KIRREL3: variants seen among roughly 807,000 people sequenced by gnomAD.
KIRREL3 encodes kirre like nephrin family adhesion molecule 3, also known as kin of IRRE-like protein 3.
Under a neutral mutation model 89.7 loss-of-function variants are expected in KIRREL3, and 36 were observed. That is an observed-to-expected ratio of 0.40 (90% CI 0.31 to 0.53). The LOEUF is 0.53. KIRREL3 is among the 20% of genes least tolerant of loss of function. KIRREL3 has a pLI of 0.49. For synonymous variants in KIRREL3, 445 were observed against 441.4 expected (o/e 1.01, Z -0.10); for missense variants, 864 against 1,056.6 (o/e 0.82, Z 2.53).
At chr11:126,499,359 G>A (rs908365508) in intron 4 of KIRREL3, among the ~76,000 whole-genome samples, 2 of 152,018 alleles carry the variant, frequency 1.3e-5, no homozygotes, top group Non-Finnish European at 2.9e-5. Context: ...GCAAACTCCC[G>A]GTTGCCCTAC....
At chr11:126,827,164 G>T (rs1943445337) in intron 1 of KIRREL3, among the ~76,000 whole-genome samples, 1 of 145,800 alleles carries the variant, frequency 6.9e-6, no homozygotes, top group Admixed American at 7.2e-5. Flanking sequence ...CAATATGGAA[G>T]TCTTCCCAGA....
intron 1 of KIRREL3, among the ~76,000 whole-genome samples, chr11:126,753,920 C>A (rs1949414347): frequency 6.6e-6 from 1 of 152,100 alleles, no homozygotes; most frequent in Non-Finnish European, 1.5e-5. Context: ...ATGTATGCTG[C>A]CCAAGAAGGG....
At chr11:126,942,512 G>A (rs1208783052) in intron 1 of KIRREL3, among the ~76,000 whole-genome samples, 1 of 152,162 alleles carries the variant, frequency 6.6e-6, no homozygotes, top group Non-Finnish European at 1.5e-5. Flanking sequence ...CCCTTCTGTG[G>A]AAGTCCCGGC....
In KIRREL3 at chr11:126,508,784, C is replaced by T. The variant is rs117933442; in HGVS notation, c.433+12531G>A. ...GCCTCTATGTCTCAGCTTCCTCGTC[C>T]GTAAAAGGGGACACGGGACCTGCCT... On this transcript the variant is annotated intron_variant, in intron 4 of 16. Coordinates refer to ENST00000525144, the MANE Select transcript of KIRREL3 (RefSeq NM_032531.4). This position sits in a 1 kb window ranked among gnomAD's most constrained non-coding sequence, Gnocchi z 4.9. Among the ~76,000 whole-genome samples, 8 of 152,218 alleles carry T rather than the reference C, an allele frequency of 5.3e-5. No individual in the cohort carries two copies. The East Asian group carries it at 7.7e-4, about 15-fold the overall frequency.
intron 1 of KIRREL3, among the ~76,000 whole-genome samples, chr11:126,865,405 G>T (rs1241544888): frequency 6.6e-6 from 1 of 152,222 alleles, no homozygotes; most frequent in Non-Finnish European, 1.5e-5. Flanking sequence ...TTGCTGAGCG[G>T]GTCATTGATG....
chr11:126,481,065 C>T (rs917798989), intron 4 of KIRREL3, among the ~76,000 whole-genome samples: 1 of 152,206 alleles, frequency 6.6e-6, no homozygotes, highest in Non-Finnish European at 1.5e-5. Context: ...TTTCTAAACA[C>T]TAGGGACAAG....
intron 1 of KIRREL3, among the ~76,000 whole-genome samples, chr11:126,916,389 G>A (rs1947038452): frequency 6.6e-6 from 1 of 152,148 alleles, no homozygotes; most frequent in Admixed American, 6.5e-5. Context: ...CCAAGGGTGG[G>A]CCGCCAGAAT....
rs979144168 is a variant in KIRREL3 at position 126,983,159 on chromosome 11, A to G, written c.55+17296T>C. Among the ~76,000 whole-genome samples the G allele has an allele frequency of 1.3e-5, 2 of 152,058 alleles. No homozygotes were observed. Among genetic ancestry groups the G allele is most frequent in the African/African-American group, 2.4e-5 (1 of 41,404 alleles). On this transcript the variant is annotated intron_variant, in intron 1 of 16. Transcript: ENST00000525144. The surrounding 1 kb of genome is among the most constrained non-coding windows in gnomAD (Gnocchi z 4.9). Reference sequence around the variant, plus strand: ...GGGAAGGTCATTTTTTCTAACTTATAAGTAGTGAGGCTACTTGTAGGTACA... The same window carrying G: ...GGGAAGGTCATTTTTTCTAACTTATGAGTAGTGAGGCTACTTGTAGGTACA...
In KIRREL3 at chr11:126,811,351, C is replaced by G. The variant is rs375364038; in HGVS notation, c.55+189104G>C. On this transcript the variant is annotated intron_variant, in intron 1 of 16. Transcript: ENST00000525144. The surrounding 1 kb of genome is among the most constrained non-coding windows in gnomAD (Gnocchi z 4.3). ...CTACGAGGTCCTTGTCTGAATTCTC[C>G]GTGTGGTTGCTGGCCTGTAAGCTCC... Among the ~76,000 whole-genome samples, 5 of 152,144 alleles carry G rather than the reference C, an allele frequency of 3.3e-5. No homozygotes were observed. The highest frequency in any genetic ancestry group is 1.2e-4 in the African/African-American group (5 of 41,426).
chr11:126,871,690 A>G (rs1349966357), intron 1 of KIRREL3, among the ~76,000 whole-genome samples: 1 of 152,128 alleles, frequency 6.6e-6, no homozygotes, highest in Non-Finnish European at 1.5e-5. Context: ...CCCTTGTGGC[A>G]TTTGTTTGAG....
intron 1 of KIRREL3, among the ~76,000 whole-genome samples, chr11:126,815,448 T>C (rs987746151): frequency 6.6e-5 from 10 of 152,192 alleles, no homozygotes; most frequent in African/African-American, 2.2e-4. Context: ...TTTTGTGAGG[T>C]TGTGGAGGGG....
chr11:126,680,196 T>A (rs948671507), intron 1 of KIRREL3, among the ~76,000 whole-genome samples: 2 of 152,156 alleles, frequency 1.3e-5, no homozygotes, highest in African/African-American at 4.8e-5. Context: ...TCAGTAAAGA[T>A]CGGTTGCTTT....
At chr11:126,452,017 A>G (rs1481068825) in intron 7 of KIRREL3, among the ~76,000 whole-genome samples, 5 of 151,890 alleles carry the variant, frequency 3.3e-5, no homozygotes, top group Non-Finnish European at 5.9e-5. Flanking sequence ...TGGCACCACA[A>G]ACGCCGTCTC....
rs1048957411 is a variant in KIRREL3 at position 126,995,233 on chromosome 11, C to T, written c.55+5222G>A. 2.2e-5 allele frequency: 10 copies of T among 456,040 alleles called. No individual in the cohort carries two copies. The highest frequency in any genetic ancestry group is 3.2e-4 in the Middle Eastern group (1 of 3,098). The allele number at this position is 456,040 out of a possible 1,614,324, so 28.2% of individuals were successfully genotyped here. On this transcript the variant is annotated intron_variant, in intron 1 of 16. Coordinates refer to ENST00000525144, the MANE Select transcript of KIRREL3 (RefSeq NM_032531.4). The surrounding 1 kb of genome is among the most constrained non-coding windows in gnomAD (Gnocchi z 6.5). Reference sequence around the variant, plus strand: ...CCTGCTCCAAGAGTGCTGGGATGTCCGCTGGCCTCGAGGCAAGACAAGAGC... The same window carrying T: ...CCTGCTCCAAGAGTGCTGGGATGTCTGCTGGCCTCGAGGCAAGACAAGAGC...
rs1358881560 is a variant in KIRREL3 at position 126,890,850 on chromosome 11, A to G, written c.55+109605T>C. 2.0e-5 allele frequency among the ~76,000 whole-genome samples: 3 copies of G among 152,224 alleles called. No individual in the cohort carries two copies. In the East Asian group the frequency reaches 5.8e-4, roughly 29 times the overall value. ...CCACTGTCCTCAGCATTGTTTCAAT[A>G]GGAGTCACATGATTTTCCAAAACAC... On this transcript the variant is annotated intron_variant, in intron 1 of 16. Transcript: ENST00000525144. The surrounding 1 kb of genome is among the most constrained non-coding windows in gnomAD (Gnocchi z 5.1).
At chr11:126,617,971 A>T (rs618603) in intron 1 of KIRREL3, among the ~76,000 whole-genome samples, 3 of 151,982 alleles carry the variant, frequency 2.0e-5, no homozygotes, top group Non-Finnish European at 2.9e-5. Flanking sequence ...GTGATCCTCA[A>T]TGTTGGAGGT....
At chr11:126,824,589 G>A (rs142552836) in intron 1 of KIRREL3, among the ~76,000 whole-genome samples, 39 of 152,322 alleles carry the variant, frequency 2.6e-4, no homozygotes, top group African/African-American at 9.1e-4. Flanking sequence ...GGAAAGGGAC[G>A]ATGTTAGGAA....
At chr11:126,453,690 T>A (rs1411706473) in intron 7 of KIRREL3, among the ~76,000 whole-genome samples, 1 of 152,046 alleles carries the variant, frequency 6.6e-6, no homozygotes, top group East Asian at 1.9e-4. Context: ...CCCCTCCGCC[T>A]CCTCCCTTCC....
Position 126,509,023 on chromosome 11 carries a change from G to A in KIRREL3, c.433+12292C>T, listed in dbSNP as rs147403972. 6.5e-3 allele frequency among the ~76,000 whole-genome samples: 996 copies of A among 152,282 alleles called. 4 individuals are homozygous for A. Among genetic ancestry groups the A allele is most frequent in the Middle Eastern group, 0.024 (7 of 294 alleles). On this transcript the variant is annotated intron_variant, in intron 4 of 16. Transcript: ENST00000525144. ...GGGGCACATGCAGGGTGCAGCTCCCGGAGTCTGGGACCATCAGGACCTCTG... is the reference window on the plus strand; with the variant it reads ...GGGGCACATGCAGGGTGCAGCTCCCAGAGTCTGGGACCATCAGGACCTCTG...
Sources: gnomAD v4.1 joint callset for allele counts (sites outside exome capture counted in the v4.1 genomes callset) on GRCh38, gnomAD v4.1.1 for gene constraint, Gnocchi (gnomAD v3.1) non-coding constraint, MANE v1.5 for transcripts, NCBI Gene and HGNC (gene_info 2026-07-23, HGNC 2026-07-21) for gene names.